Variants in LSMEM1 observed in about 807,000 individuals in gnomAD.
LSMEM1 encodes leucine-rich single-pass membrane protein 1.
Under a neutral mutation model 11.3 loss-of-function variants are expected in LSMEM1, and 10 were observed. The observed-to-expected ratio is 0.89, with a 90% CI of 0.55 to 1.50. The LOEUF is 1.50. LSMEM1 is among the 40% of genes most tolerant of loss of function. The probability of loss-of-function intolerance (pLI) is 0.00; values close to 1 mark genes in which losing one functional copy is unlikely to be tolerated. For synonymous variants in LSMEM1, 65 were observed against 59.3 expected, an observed-to-expected ratio of 1.10 and a Z score of -0.44; for missense variants, 151 against 152.9, an observed-to-expected ratio of 0.99 and a Z score of 0.06.
At chr7:112,481,858 C>T (rs1202582332) in intron 1 of LSMEM1, among the ~76,000 whole-genome samples, 1 of 152,200 alleles carries the variant, frequency 6.6e-6, no homozygotes, top group Non-Finnish European at 1.5e-5. Flanking sequence ...TTTAGCCAAT[C>T]TTGGTGAATA....
In LSMEM1 at chr7:112,489,923, A is replaced by T; in HGVS notation, c.370A>T (p.Asn124Tyr). The T allele has an allele frequency of 6.2e-7, 1 of 1,613,994 alleles. No homozygotes were observed. The highest frequency in any genetic ancestry group is 8.5e-7 in the Non-Finnish European group (1 of 1,179,950). Reference sequence around the variant, plus strand: ...GATCGTAAAGCGACTCAACCAACTCAACCAACTGGACTCTGAACAAAACTA... The same window carrying T: ...GATCGTAAAGCGACTCAACCAACTCTACCAACTGGACTCTGAACAAAACTA... ...NMIVKRLNQL[N>Y]QLDSEQN Residue 124 changes from asparagine to tyrosine, a missense_variant, in exon 4 of 4, where the codon AAC becomes TAC. Coordinates refer to ENST00000312849, the MANE Select transcript of LSMEM1 (RefSeq NM_182597.3).
chr7:112,482,441 A>G (rs966994825), intron 1 of LSMEM1, among the ~76,000 whole-genome samples: 1 of 152,222 alleles, frequency 6.6e-6, no homozygotes, highest in African/African-American at 2.4e-5. Flanking sequence ...CAGCAGATAC[A>G]TTCCTGAAGG....
chr7:112,488,404 A>G (rs1203159287), intron 3 of LSMEM1, among the ~76,000 whole-genome samples: 2 of 152,160 alleles, frequency 1.3e-5, no homozygotes. Flanking sequence ...AGGAAATTTT[A>G]GGTATGTCTA....
upstream of LSMEM1, among the ~76,000 whole-genome samples, chr7:112,480,318 TG>T (rs34030046): frequency 1.3e-5 from 2 of 152,144 alleles, no homozygotes; most frequent in South Asian, 4.2e-4. Context: ...CTCAGTAGGC[TG>T]GGATCATGCC....
intron 2 of LSMEM1, 88 bp from the exon 3 acceptor site, chr7:112,486,835 C>A: frequency 6.5e-7 from 1 of 1,545,368 alleles, no homozygotes; most frequent in Non-Finnish European, 8.8e-7. Context: ...CCATTACTCA[C>A]GGTCTAACAC....
chr7:112,490,605 A>G lies in LSMEM1; in HGVS notation c.*656A>G, dbSNP rs1270080436. ...ATTAAGCTCCTACTCTGTGCAAATCACTCTACTCAAGAGGAGCTCACATAA... is the reference window on the plus strand; with the variant it reads ...ATTAAGCTCCTACTCTGTGCAAATCGCTCTACTCAAGAGGAGCTCACATAA... On this transcript the variant is annotated 3_prime_UTR_variant, in exon 4 of 4. Transcript: ENST00000312849. 6.6e-6 allele frequency: 1 copy of G among 152,198 alleles called. No homozygotes were observed. The highest frequency in any genetic ancestry group is 1.5e-5 in the Non-Finnish European group (1 of 68,046). 9.4% of individuals were successfully genotyped at this position (152,198 alleles called of 1,614,324 possible).
chr7:112,486,222 T>C, intron 2 of LSMEM1: 1 of 250,480 alleles, frequency 4.0e-6, no homozygotes, highest in South Asian at 4.2e-5. Context: ...CCAGCATAGG[T>C]ATCCCACAAC....
intron 3 of LSMEM1, 87 bp downstream of exon 3, chr7:112,487,138 C>T: frequency 1.4e-6 from 2 of 1,417,614 alleles, no homozygotes; most frequent in South Asian, 1.2e-5. Context: ...TTTGCACCCT[C>T]CAGTCAATGC....
chr7:112,484,742 G>A, intron 1 of LSMEM1, 70 bp from the exon 2 acceptor site: 2 of 1,536,722 alleles, frequency 1.3e-6, no homozygotes, highest in Non-Finnish European at 1.8e-6. Flanking sequence ...GCTTCCTGGT[G>A]GCTGTGGTTC....
intron 1 of LSMEM1, among the ~76,000 whole-genome samples, chr7:112,482,853 T>C (rs1425704272): frequency 6.6e-6 from 1 of 152,158 alleles, no homozygotes; most frequent in African/African-American, 2.4e-5. Context: ...AATAAAGTGC[T>C]ATGGTAGTAT....
chr7:112,488,686 C>T (rs894835962), intron 3 of LSMEM1, among the ~76,000 whole-genome samples: 16 of 152,094 alleles, frequency 1.1e-4, no homozygotes, highest in Non-Finnish European at 2.9e-5. Flanking sequence ...GCAATGCCAC[C>T]TCCAGGTTCA....
At chr7:112,484,668 G>T in intron 1 of LSMEM1, 144 bp from the exon 2 acceptor site, 1 of 780,358 alleles carries the variant, frequency 1.3e-6, no homozygotes, top group Non-Finnish European at 2.0e-6. Flanking sequence ...TTCTGGATAA[G>T]CCAAGTTCTC....
At chr7:112,484,667 A>T in intron 1 of LSMEM1, 145 bp from the exon 2 acceptor site, 1 of 760,642 alleles carries the variant, frequency 1.3e-6, no homozygotes, top group Non-Finnish European at 2.1e-6. Flanking sequence ...TTTCTGGATA[A>T]GCCAAGTTCT....
intron 3 of LSMEM1, among the ~76,000 whole-genome samples, chr7:112,489,019 T>A (rs1328630561): frequency 1.3e-5 from 2 of 152,248 alleles, no homozygotes; most frequent in African/African-American, 2.4e-5. Context: ...CCACTTGACA[T>A]CAAAGACTAT....
At chr7:112,485,058 G>C in intron 2 of LSMEM1, 115 bp downstream of exon 2, 1 of 1,239,478 alleles carries the variant, frequency 8.1e-7, no homozygotes, top group Non-Finnish European at 1.1e-6. Flanking sequence ...TTAGGAAGAG[G>C]TTGGCACTGG....
chr7:112,485,656 A>T (rs1379236726), intron 2 of LSMEM1, among the ~76,000 whole-genome samples: 1 of 151,998 alleles, frequency 6.6e-6, no homozygotes, highest in African/African-American at 2.4e-5. Flanking sequence ...AATAAGTTCA[A>T]ATTTTCATCT....
At chr7:112,483,129 G>A (rs1232999629) in intron 1 of LSMEM1, among the ~76,000 whole-genome samples, 3 of 147,022 alleles carry the variant, frequency 2.0e-5, no homozygotes, top group Admixed American at 6.7e-5. Context: ...TCTTCTTTAG[G>A]TGTATACTTT....
Position 112,484,926 on chromosome 7 carries a change from G to C in LSMEM1, c.110G>C (p.Gly37Ala), listed in dbSNP as rs542941761. The change falls in exon 2 of 4, where the codon GGA (glycine) becomes GCA (alanine). Residue 37 changes from glycine (G) to alanine (A), a missense_variant. Physicochemically the swap from Gly to Ala is moderately conservative, Grantham distance 60 (BLOSUM62 0). Coordinates refer to ENST00000312849, the MANE Select transcript of LSMEM1 (RefSeq NM_182597.3). ...AACAAACTAAACCTCTGTCCAGCCG[G>C]ATCGCAGCATCTGTTCCGTATGTGT... ...DLNKLNLCPA[G>A]SQHLFPLEDK... The C allele has an allele frequency of 1.1e-5, 17 of 1,610,256 alleles. No individual in the cohort carries two copies. Among genetic ancestry groups the C allele is most frequent in the Middle Eastern group, 1.7e-4 (1 of 6,026 alleles).
At chr7:112,486,896 C>T in intron 2 of LSMEM1, 27 bp from the exon 3 acceptor site, 1 of 1,613,208 alleles carries the variant, frequency 6.2e-7, no homozygotes, top group Non-Finnish European at 8.5e-7. Context: ...CAGTTTTTGT[C>T]CTTGTTTTTT....
Sources: allele counts gnomAD v4.1 joint callset (sites outside exome capture counted in the v4.1 genomes callset), GRCh38; gene constraint gnomAD v4.1.1; transcripts MANE v1.5; gene names NCBI Gene and HGNC (gene_info 2026-07-23, HGNC 2026-07-21).